Variants in WDR49 observed in about 807,000 individuals in gnomAD.
WDR49 encodes WD repeat domain 49.
In WDR49, 107 loss-of-function variants were observed where a neutral mutation model predicts 119.5. The observed-to-expected ratio is 0.90, with a 90% confidence interval of 0.77 to 1.05. WDR49 has a LOEUF of 1.05. Ranked by LOEUF, WDR49 falls within the 50% of genes least tolerant of loss-of-function variation. The probability of loss-of-function intolerance (pLI) is 0.00; values close to 1 mark genes in which losing one functional copy is unlikely to be tolerated. For synonymous variants in WDR49, 425 were observed against 418.8 expected, an observed-to-expected ratio of 1.01 and a Z score of -0.18; for missense variants, 1,240 against 1,220.5, an observed-to-expected ratio of 1.02 and a Z score of -0.24.
chr3:167,501,977 C>A (rs1450483934), intron 17 of WDR49, among the ~76,000 whole-genome samples: 1 of 152,166 alleles, frequency 6.6e-6, no homozygotes, highest in Non-Finnish European at 1.5e-5. Context: ...CTCTGAATCT[C>A]ATGTGGAATT....
intron 18 of WDR49, among the ~76,000 whole-genome samples, chr3:167,492,179 C>A (rs1478736534): frequency 1.4e-5 from 2 of 148,012 alleles, no homozygotes; most frequent in Admixed American, 6.7e-5. Context: ...TTTATAATAA[C>A]AATTTTTAAA....
chr3:167,571,735 T>C (rs1713949280), intron 8 of WDR49, among the ~76,000 whole-genome samples: 1 of 152,336 alleles, frequency 6.6e-6, no homozygotes, highest in African/African-American at 2.4e-5. Context: ...ATATCAGCAA[T>C]AGTTTTGTAT....
At chr3:167,592,358 G>C (rs1035903077) in intron 7 of WDR49, among the ~76,000 whole-genome samples, 1 of 151,838 alleles carries the variant, frequency 6.6e-6, no homozygotes, top group Non-Finnish European at 1.5e-5. Flanking sequence ...CACAGTTACA[G>C]GGTTATATTC....
chr3:167,503,771 C>A (rs1462702924), intron 17 of WDR49, among the ~76,000 whole-genome samples: 1 of 152,164 alleles, frequency 6.6e-6, no homozygotes, highest in African/African-American at 2.4e-5. Context: ...AAACATGGAC[C>A]AGAAGAGTGC....
At chr3:167,640,153 A>T (rs943259522) in intron 2 of WDR49, among the ~76,000 whole-genome samples, 7 of 151,920 alleles carry the variant, frequency 4.6e-5, no homozygotes, top group Non-Finnish European at 1.0e-4. Context: ...AAATGTCCTC[A>T]ATGTTTTTGC....
At chr3:167,620,379 G>T in intron 5 of WDR49, 50 bp downstream of exon 5, 5 of 1,460,036 alleles carry the variant, frequency 3.4e-6, no homozygotes, top group Non-Finnish European at 4.5e-6. Context: ...GAATATAAAT[G>T]TACAAGTCAG....
At chr3:167,575,441 C>G (rs961550117) in intron 8 of WDR49, among the ~76,000 whole-genome samples, 1 of 152,202 alleles carries the variant, frequency 6.6e-6, no homozygotes, top group Non-Finnish European at 1.5e-5. Context: ...TCATGTTTAA[C>G]TGAATCATTT....
At chr3:167,655,927 A>C (rs6771098), upstream of WDR49, among the ~76,000 whole-genome samples, 87,109 of 147,868 alleles carry the variant, frequency 0.59, 25,639 homozygotes, top group Admixed American at 0.69. Flanking sequence ...CTCTCTCTCT[A>C]TATATATATA....
intron 16 of WDR49, among the ~76,000 whole-genome samples, chr3:167,508,980 C>T (rs1268073975): frequency 6.6e-6 from 1 of 152,092 alleles, no homozygotes; most frequent in Non-Finnish European, 1.5e-5. Flanking sequence ...TCAGTTCCCT[C>T]CTAACAATAA....
chr3:167,503,450 T>C (rs1453162205), intron 17 of WDR49, among the ~76,000 whole-genome samples: 2 of 152,194 alleles, frequency 1.3e-5, no homozygotes, highest in Non-Finnish European at 2.9e-5. Context: ...CTGGGGTTCT[T>C]GGCCTCACGG....
intron 8 of WDR49, chr3:167,566,752 C>A (rs1713621659): frequency 1.9e-6 from 1 of 540,156 alleles, no homozygotes; most frequent in Non-Finnish European, 3.3e-6. Flanking sequence ...TTACTACATA[C>A]TGTATTCTTA....
At chr3:167,579,311 G>A (rs1174308259) in intron 7 of WDR49, among the ~76,000 whole-genome samples, 3 of 152,070 alleles carry the variant, frequency 2.0e-5, no homozygotes, top group African/African-American at 7.2e-5. Context: ...GATCATTGAT[G>A]AAAAGATCAA....
chr3:167,597,040 G>A (rs1715503309), intron 7 of WDR49, among the ~76,000 whole-genome samples: 1 of 151,844 alleles, frequency 6.6e-6, no homozygotes. Context: ...GGAGCCAAAT[G>A]TTAATAGCCA....
chr3:167,502,662 T>C (rs1437534931), intron 17 of WDR49, among the ~76,000 whole-genome samples: 1 of 152,208 alleles, frequency 6.6e-6, no homozygotes, highest in East Asian at 1.9e-4. Context: ...ATTGTGTTCA[T>C]GCTCTAGGCA....
At chr3:167,571,379 G>T (rs542895603) in intron 8 of WDR49, among the ~76,000 whole-genome samples, 1 of 152,258 alleles carries the variant, frequency 6.6e-6, no homozygotes, top group East Asian at 1.9e-4. Context: ...GGATAAAAAA[G>T]TAAGATTCTA....
intron 18 of WDR49, among the ~76,000 whole-genome samples, chr3:167,487,415 C>A (rs1038698088): frequency 6.6e-5 from 10 of 152,078 alleles, no homozygotes; most frequent in Non-Finnish European, 1.3e-4. Context: ...AGACCCCAAA[C>A]TGGAAAAATT....
At chr3:167,566,685 C>G in intron 8 of WDR49, 1 of 406,464 alleles carries the variant, frequency 2.5e-6, no homozygotes, top group South Asian at 9.4e-5. Flanking sequence ...CTACCGTTGA[C>G]CAGAAGCCTT....
At chr3:167,607,328 G>T (rs1425397133) in intron 5 of WDR49, among the ~76,000 whole-genome samples, 3 of 152,180 alleles carry the variant, frequency 2.0e-5, no homozygotes, top group Non-Finnish European at 4.4e-5. Flanking sequence ...TCCTGAGGCT[G>T]CTTCCGAGGT....
rs755773223 is a variant in WDR49 at position 167,522,402 on chromosome 3, AT to A, written c.2686del (p.Ile896PhefsTer11). ...NLVESEIQKE[I>X]SLFSKEESCL... is the part of the protein sequence containing the mutation. ...AGATTCCTCCTTAGAAAATAAAGAAATTTCCTTTTGAATCTCACTTTCCACT... is the reference window on the plus strand; with the variant it reads ...AGATTCCTCCTTAGAAAATAAAGAAATTCCTTTTGAATCTCACTTTCCACT... On this transcript the variant is annotated frameshift_variant, in exon 16 of 19. Transcript: ENST00000682715. LOFTEE classifies it high-confidence loss of function. 1.1e-5 allele frequency: 17 copies of A among 1,611,376 alleles called. No individual in the cohort carries two copies. The East Asian group carries it at 3.6e-4, about 34-fold the overall frequency.
Sources: allele counts gnomAD v4.1 joint callset (sites outside exome capture counted in the v4.1 genomes callset), GRCh38; gene constraint gnomAD v4.1.1; transcripts MANE v1.5; gene names NCBI Gene and HGNC (gene_info 2026-07-23, HGNC 2026-07-21).